Variants in GGT7 observed in about 807,000 individuals in gnomAD.
The protein encoded by GGT7 is gamma-glutamyltransferase 7.
GGT7 carries 30 observed loss-of-function variants against 69.2 expected under a neutral mutation model. The ratio of observed to expected loss-of-function variants is 0.43; its 90% CI spans 0.32 to 0.59. The LOEUF is 0.59. Among genes scored for constraint, GGT7 ranks in the 20% least tolerant of loss-of-function variants. GGT7 has a pLI of 0.05. For missense variants in GGT7, 733 were observed against 901.1 expected, an observed-to-expected ratio of 0.81 and a Z score of 2.39; for synonymous variants, 388 against 391.8, an observed-to-expected ratio of 0.99 and a Z score of 0.12.
At chr20:34,868,340 T>C (rs1326365196) in intron 1 of GGT7, among the ~76,000 whole-genome samples, 2 of 152,214 alleles carry the variant, frequency 1.3e-5, no homozygotes, top group Non-Finnish European at 2.9e-5. Flanking sequence ...GTGGAACAGC[T>C]AGGGCAATAA....
At chr20:34,850,771 C>T (rs116491761) in intron 13 of GGT7, 84 of 479,382 alleles carry the variant, frequency 1.8e-4, no homozygotes, top group African/African-American at 1.6e-3. Context: ...AACTTAAGAT[C>T]GTTAACTCAC....
chr20:34,860,874 G>A (rs1407883043), intron 4 of GGT7, among the ~76,000 whole-genome samples: 1 of 152,014 alleles, frequency 6.6e-6, no homozygotes, highest in Non-Finnish European at 1.5e-5. Flanking sequence ...CAGAGTGTTG[G>A]GATTACAGGT....
chr20:34,848,202 C>G (rs994905019), intron 14 of GGT7, among the ~76,000 whole-genome samples: 1 of 152,206 alleles, frequency 6.6e-6, no homozygotes, highest in Non-Finnish European at 1.5e-5. Flanking sequence ...CACAAAGGTG[C>G]TGGGTAAATT....
Position 34,845,112 on chromosome 20 carries a change from TCACCACCACCA to T in GGT7, c.*205_*215del, listed in dbSNP as rs923036883. 5 of 389,878 alleles carry T rather than the reference TCACCACCACCA, an allele frequency of 1.3e-5. No homozygotes were observed. Among genetic ancestry groups the T allele is most frequent in the African/African-American group, 6.8e-5 (3 of 43,946 alleles). 24.2% of individuals were successfully genotyped at this position (389,878 alleles called of 1,614,324 possible). ...CTGGCTGTACTGTAGATGCTGACAC[TCACCACCACCA>T]CCACCACCACCACCACCACCACCAC... is the stretch of plus-strand genomic sequence containing the variant. On this transcript the variant is annotated 3_prime_UTR_variant, in exon 15 of 15. Coordinates refer to ENST00000336431, the MANE Select transcript of GGT7 (RefSeq NM_178026.3).
intron 1 of GGT7, among the ~76,000 whole-genome samples, chr20:34,867,556 A>ATTTTT (rs1568944247): frequency 2.9e-4 from 44 of 152,098 alleles, no homozygotes; most frequent in African/African-American, 9.6e-4. Flanking sequence ...TCTACAAAAA[A>ATTTTT]ATTTTTTTAA....
At chr20:34,849,891 C>A in intron 14 of GGT7, 70 bp downstream of exon 14, 1 of 873,334 alleles carries the variant, frequency 1.1e-6, no homozygotes. Flanking sequence ...GAGGCATGGG[C>A]ACCCTTGGGA....
At chr20:34,872,416 C>T in intron 1 of GGT7, 2 of 384,052 alleles carry the variant, frequency 5.2e-6, no homozygotes, top group East Asian at 3.8e-5. Context: ...AAGCCCAATC[C>T]CTTCTACTGC....
chr20:34,852,230 C>T lies in GGT7; in HGVS notation c.1512G>A (p.Ser504=), dbSNP rs1385743522. 10 of 1,614,036 alleles carry T rather than the reference C, an allele frequency of 6.2e-6. No individual in the cohort carries two copies. Among genetic ancestry groups the T allele is most frequent in the South Asian group, 3.3e-5 (3 of 91,082 alleles). Reference sequence around the variant, plus strand: ...GCATCTGGCTGTTGAGCAGGATCCCCGAGGGGGTGATAAGGCCGCTGCCAA... The same window carrying T: ...GCATCTGGCTGTTGAGCAGGATCCCTGAGGGGGTGATAAGGCCGCTGCCAA... ...QPFGSGLITP[S]GILLNSQMLD... Residue 504 remains serine (S), a synonymous_variant, in exon 12 of 15, where the codon TCG becomes TCA. Transcript: ENST00000336431.
In GGT7 at chr20:34,872,701, C is replaced by T. The variant is rs746629485; in HGVS notation, c.115G>A (p.Ala39Thr). The T allele has an allele frequency of 4.1e-6, 6 of 1,481,060 alleles. No individual in the cohort carries two copies. The highest frequency in any genetic ancestry group is 5.4e-6 in the Non-Finnish European group (6 of 1,120,158). The allele number at this position is 1,481,060 out of a possible 1,614,324, so 91.7% of individuals were successfully genotyped here. Reference protein sequence around the residue: ...RLPEDEPAPAAPLRGRKDEDA... With the variant: ...RLPEDEPAPATPLRGRKDEDA... ...TCGTCCTTGCGGCCCCTCAGCGGGG[C>T]CGCGGGCGCCGGCTCGTCCTCGGGC... Residue 39 changes from alanine (A) to threonine (T), a missense_variant, in exon 1 of 15, where the codon GCC becomes ACC. Coordinates refer to ENST00000336431, the MANE Select transcript of GGT7 (RefSeq NM_178026.3).
chr20:34,845,336 T>TG lies in GGT7; in HGVS notation c.1980dup (p.Ile661HisfsTer89). ...CGCCCCACCCCGCTGCTCTACAGGATGGTGGCTCCAGCTGCATCTGGGCTC... is the reference window on the plus strand; with the variant it reads ...CGCCCCACCCCGCTGCTCTACAGGATGGGTGGCTCCAGCTGCATCTGGGCTC... On this transcript the variant is annotated frameshift_variant, in exon 15 of 15. Transcript: ENST00000336431. LOFTEE classifies it high-confidence loss of function. The TG allele has an allele frequency of 6.2e-7, 1 of 1,613,558 alleles. No individual in the cohort carries two copies. The highest frequency in any genetic ancestry group is 2.2e-5 in the East Asian group (1 of 44,878).
In GGT7 at chr20:34,859,655, G is replaced by A. The variant is rs1407819558; in HGVS notation, c.818-16C>T. ...AGGGCACGGGCTAGGGGCAGGGACG[G>A]GAGGCTGGGCAGGGCGGGACGCCAG... On this transcript the variant is annotated splice_polypyrimidine_tract_variant and intron_variant, in intron 6 of 14. Transcript: ENST00000336431. 1.9e-6 allele frequency: 3 copies of A among 1,572,762 alleles called. No homozygotes were observed. In the Admixed American group the frequency reaches 5.3e-5, roughly 28 times the overall value.
At chr20:34,864,224 T>C (rs2079651783) in intron 1 of GGT7, among the ~76,000 whole-genome samples, 1 of 152,130 alleles carries the variant, frequency 6.6e-6, no homozygotes, top group Non-Finnish European at 1.5e-5. Context: ...GAAGTGACTT[T>C]TAAGCTGAAA....
rs986048766 is a variant in GGT7 at position 34,852,428 on chromosome 20, A to T, written c.1430T>A (p.Leu477Gln). The change falls in exon 11 of 15, where the codon CTG becomes CAG. Residue 477 changes from leucine to glutamine, a missense_variant. Transcript: ENST00000336431. ...AATGAAGTCATCAGGTCCCATGATC[A>T]GCACCTGGGCAGCCGTGGGAGCTCC... ...LDGAPTAAQV[L>Q]IMGPDDFIVA... The T allele has an allele frequency of 1.9e-5, 30 of 1,613,968 alleles. No homozygotes were observed. The highest frequency in any genetic ancestry group is 2.5e-5 in the Non-Finnish European group (29 of 1,180,018).
At chr20:34,868,120 C>A (rs1478198971) in intron 1 of GGT7, among the ~76,000 whole-genome samples, 1 of 93,418 alleles carries the variant, frequency 1.1e-5, no homozygotes, top group Non-Finnish European at 2.5e-5. Context: ...CCCGCCTTGG[C>A]CTCCCAAAGT....
chr20:34,845,470 A>C lies in GGT7; in HGVS notation c.1847T>G (p.Ile616Ser). Reference sequence around the variant, plus strand: ...GTGACCCCTGGCTTCCAGGAACTCAATCTCTTCCTCTGTGAACTCACCTGA... The same window carrying C: ...GTGACCCCTGGCTTCCAGGAACTCACTCTCTTCCTCTGTGAACTCACCTGA... ...QVDSEFTEEE[I>S]EFLEARGHHV... The change falls in exon 15 of 15, where the codon ATT becomes AGT. Residue 616 changes from isoleucine (I) to serine (S), a missense_variant. Ile to Ser is a moderately radical substitution (Grantham distance 142). Coordinates refer to ENST00000336431, the MANE Select transcript of GGT7 (RefSeq NM_178026.3). 1.2e-6 allele frequency: 2 copies of C among 1,613,894 alleles called. No individual in the cohort carries two copies. The highest frequency in any genetic ancestry group is 1.7e-6 in the Non-Finnish European group (2 of 1,179,920).
At chr20:34,871,198 C>A (rs917135543) in intron 1 of GGT7, among the ~76,000 whole-genome samples, 2 of 152,128 alleles carry the variant, frequency 1.3e-5, no homozygotes, top group Non-Finnish European at 2.9e-5. Context: ...TTGGTAAATG[C>A]TAAGACATTT....
intron 1 of GGT7, among the ~76,000 whole-genome samples, chr20:34,867,813 C>A (rs2079717674): frequency 6.6e-6 from 1 of 152,164 alleles, no homozygotes; most frequent in Non-Finnish European, 1.5e-5. Flanking sequence ...GCATCAAGAG[C>A]CATTTCTACC....
rs1012709917 is a variant in GGT7 at position 34,845,275 on chromosome 20, A to G, written c.*53T>C. ...GAGACCAAACCTGGGAGAAGGAGGG[A>G]CTCTGGGAACATGCAAAGTGGGGGA... On this transcript the variant is annotated 3_prime_UTR_variant, in exon 15 of 15. Coordinates refer to ENST00000336431, the MANE Select transcript of GGT7 (RefSeq NM_178026.3). 7.2e-6 allele frequency: 11 copies of G among 1,535,674 alleles called. No individual in the cohort carries two copies. Among genetic ancestry groups the G allele is most frequent in the Non-Finnish European group, 9.7e-6 (11 of 1,129,594 alleles).
Position 34,859,601 on chromosome 20 carries a change from C to G in GGT7, c.856G>C (p.Glu286Gln). 3 of 1,601,906 alleles carry G rather than the reference C, an allele frequency of 1.9e-6. No individual in the cohort carries two copies. The highest frequency in any genetic ancestry group is 2.6e-6 in the Non-Finnish European group (3 of 1,174,200). The change falls in exon 7 of 15, where the codon GAG becomes CAG. Residue 286 changes from glutamate (E) to glutamine (Q), a missense_variant. Physicochemically the swap from Glu to Gln is conservative, Grantham distance 29. Coordinates refer to ENST00000336431, the MANE Select transcript of GGT7 (RefSeq NM_178026.3). ...LAEQLPPNMS[E>Q]RFRETFLPSG... The stretch of plus-strand genomic sequence containing the variant: ...GGCAGGAACGTCTCCCGGAAGCGCT[C>G]GGACATGTTGGGTGGCAGCTGTTCA...
Sources: gnomAD v4.1 joint callset for allele counts (sites outside exome capture counted in the v4.1 genomes callset) on GRCh38, gnomAD v4.1.1 for gene constraint, MANE v1.5 for transcripts, NCBI Gene and HGNC (gene_info 2026-07-23, HGNC 2026-07-21) for gene names.